SYT1: variants seen among roughly 807,000 people sequenced by gnomAD.
The protein encoded by SYT1 is synaptotagmin 1, also known as synaptotagmin-1.
SYT1 carries 8 observed loss-of-function variants against 44.8 expected under a neutral mutation model. The ratio of observed to expected loss-of-function variants is 0.18; its 90% CI spans 0.10 to 0.32. The LOEUF (loss-of-function observed/expected upper bound fraction) is 0.32. SYT1 is among the 10% of genes least tolerant of loss of function. SYT1 has a pLI of 1.00. For missense variants in SYT1, 286 were observed against 509.3 expected (o/e 0.56, Z 4.22); for synonymous variants, 154 against 188.8 (o/e 0.82, Z 1.51).
intron 3 of SYT1, among the ~76,000 whole-genome samples, chr12:79,134,344 T>C (rs1437609145): frequency 6.6e-6 from 1 of 152,214 alleles, no homozygotes; most frequent in Non-Finnish European, 1.5e-5. Flanking sequence ...GTGAGATGTA[T>C]AGCATCATCA....
At chr12:79,388,522 C>A (rs1381859506) in intron 9 of SYT1, among the ~76,000 whole-genome samples, 1 of 151,732 alleles carries the variant, frequency 6.6e-6, no homozygotes, top group Non-Finnish European at 1.5e-5. Context: ...TGGCAAAACC[C>A]CATCTCCACT....
At position 79,163,799 on chromosome 12, in the gene SYT1, G is replaced by A. The variant is rs533236079; in HGVS notation, c.-17-53704G>A. Among the ~76,000 whole-genome samples the A allele has an allele frequency of 1.1e-3, 162 of 152,194 alleles. 1 individual carries two copies. The highest frequency in any genetic ancestry group is 3.5e-3 in the Admixed American group (53 of 15,278). On this transcript the variant is annotated intron_variant, in intron 3 of 10. Coordinates refer to ENST00000261205, the MANE Select transcript of SYT1 (RefSeq NM_005639.3). ...TGGCAGGCATGTATCAAACCCTAAA[G>A]CAGAGTTCCCTCATAGTCCACTACT... is the stretch of plus-strand genomic sequence containing the variant.
At chr12:79,229,444 CTTTAGTTTATAAT>C (rs1335707788) in intron 4 of SYT1, among the ~76,000 whole-genome samples, 1 of 151,994 alleles carries the variant, frequency 6.6e-6, no homozygotes, top group African/African-American at 2.4e-5. Flanking sequence ...TCATCATCTT[CTTTAGTTTATAAT>C]TTTAGTTTAA....
intron 3 of SYT1, among the ~76,000 whole-genome samples, chr12:79,146,022 G>T (rs1869887926): frequency 6.6e-6 from 1 of 152,138 alleles, no homozygotes; most frequent in Non-Finnish European, 1.5e-5. Flanking sequence ...CTCCCAAAGT[G>T]CTGGGATTAC....
chr12:79,401,696 G>T lies in SYT1; in HGVS notation c.929-42377G>T, dbSNP rs148953333. Among the ~76,000 whole-genome samples, 26 of 149,028 alleles carry T rather than the reference G, an allele frequency of 1.7e-4. No individual in the cohort carries two copies. The East Asian group carries it at 5.0e-3, about 28-fold the overall frequency. On this transcript the variant is annotated intron_variant, in intron 9 of 10. Coordinates refer to ENST00000261205, the MANE Select transcript of SYT1 (RefSeq NM_005639.3). ...TTTTTTTTTTTTTTTTGGAGACAAG[G>T]TCTCACCCTGCTACCCAGGCTGGAG...
intron 2 of SYT1, among the ~76,000 whole-genome samples, chr12:79,029,465 T>C (rs1375834897): frequency 6.6e-6 from 1 of 150,558 alleles, no homozygotes; most frequent in East Asian, 1.9e-4. Flanking sequence ...AAAGGGTAAA[T>C]AAAATAAAAC....
chr12:79,192,857 A>T (rs1466211249), intron 3 of SYT1, among the ~76,000 whole-genome samples: 4 of 152,098 alleles, frequency 2.6e-5, no homozygotes, highest in Non-Finnish European at 5.9e-5. Context: ...AAAATAAGAA[A>T]TTTTTTTCTT....
At chr12:79,353,440 T>C (rs1342715341) in intron 8 of SYT1, 62 bp from the exon 9 acceptor site, 1 of 1,216,492 alleles carries the variant, frequency 8.2e-7, no homozygotes, top group Non-Finnish European at 1.2e-6. Flanking sequence ...ACAATATATA[T>C]GTTAAAACTC....
At chr12:79,040,941 C>T (rs866527767) in intron 2 of SYT1, among the ~76,000 whole-genome samples, 2,327 of 150,782 alleles carry the variant, frequency 0.015, 45 homozygotes, top group African/African-American at 0.046. Context: ...TGTAGATATG[C>T]GGCGTTATTT....
At chr12:79,232,129 C>T (rs926397227) in intron 4 of SYT1, among the ~76,000 whole-genome samples, 6 of 152,078 alleles carry the variant, frequency 3.9e-5, no homozygotes, top group African/African-American at 1.4e-4. Flanking sequence ...GTAAAGTATT[C>T]GTGTATATAA....
At chr12:78,949,766 T>C (rs951035533) in intron 1 of SYT1, among the ~76,000 whole-genome samples, 2 of 151,976 alleles carry the variant, frequency 1.3e-5, no homozygotes, top group Non-Finnish European at 2.9e-5. Flanking sequence ...AAGAAGCATA[T>C]CAGAGAAACA....
intron 1 of SYT1, among the ~76,000 whole-genome samples, chr12:78,960,882 C>A (rs928367621): frequency 1.3e-5 from 2 of 152,100 alleles, no homozygotes; most frequent in Non-Finnish European, 2.9e-5. Flanking sequence ...CACATGTTAG[C>A]ACTTTGGAGC....
intron 9 of SYT1, among the ~76,000 whole-genome samples, chr12:79,381,166 A>G (rs1057337606): frequency 6.6e-6 from 1 of 152,186 alleles, no homozygotes; most frequent in Non-Finnish European, 1.5e-5. Flanking sequence ...ATGGCCTACT[A>G]TATTATTATG....
intron 9 of SYT1, among the ~76,000 whole-genome samples, chr12:79,420,572 C>A (rs1294351428): frequency 1.3e-5 from 2 of 152,112 alleles, no homozygotes; most frequent in African/African-American, 4.8e-5. Flanking sequence ...TCCTGGCACA[C>A]TTCTGTCCTC....
At chr12:79,385,330 A>G (rs1884394323) in intron 9 of SYT1, among the ~76,000 whole-genome samples, 1 of 152,168 alleles carries the variant, frequency 6.6e-6, no homozygotes, top group Non-Finnish European at 1.5e-5. Flanking sequence ...TATCAAAAAA[A>G]GATTTTTTTT....
At chr12:79,323,021 G>C (rs1202127726) in intron 8 of SYT1, among the ~76,000 whole-genome samples, 1 of 152,084 alleles carries the variant, frequency 6.6e-6, no homozygotes, top group African/African-American at 2.4e-5. Context: ...GGATCTAACA[G>C]CCCTGTAATT....
chr12:79,041,837 G>C (rs200494873), intron 2 of SYT1, among the ~76,000 whole-genome samples: 5 of 151,924 alleles, frequency 3.3e-5, no homozygotes, highest in African/African-American at 1.2e-4. Flanking sequence ...AGCATGAAGG[G>C]TTGTTGAATT....
intron 3 of SYT1, among the ~76,000 whole-genome samples, chr12:79,086,882 A>G (rs1264259064): frequency 6.6e-6 from 1 of 152,170 alleles, no homozygotes; most frequent in East Asian, 1.9e-4. Flanking sequence ...GGCATTTCAC[A>G]TTCATTTATA....
At chr12:79,002,055 A>G (rs1457133592) in intron 2 of SYT1, among the ~76,000 whole-genome samples, 1 of 152,152 alleles carries the variant, frequency 6.6e-6, no homozygotes, top group Non-Finnish European at 1.5e-5. Context: ...TAAAATATTT[A>G]AGGAAAAAAC....
Sources: gnomAD v4.1 joint callset for allele counts (sites outside exome capture counted in the v4.1 genomes callset) on GRCh38, gnomAD v4.1.1 for gene constraint, MANE v1.5 for transcripts, NCBI Gene and HGNC (gene_info 2026-07-23, HGNC 2026-07-21) for gene names.